The following PLA2G4D variants were observed in gnomAD, a reference collection of about 807,000 sequenced individuals.
The protein encoded by PLA2G4D is cytosolic phospholipase A2 delta.
In PLA2G4D, 80 loss-of-function variants were observed where a neutral mutation model predicts 94.4. The ratio of observed to expected loss-of-function variants is 0.85; its 90% CI spans 0.71 to 1.02. The LOEUF is 1.02. Among genes scored for constraint, PLA2G4D ranks in the 50% least tolerant of loss-of-function variants. The pLI is 0.00. For missense variants in PLA2G4D, 1,050 were observed against 1,034.7 expected (o/e 1.01, Z -0.20); for synonymous variants, 438 against 440.9 (o/e 0.99, Z 0.08).
chr15:42,079,496 G>A, intron 13 of PLA2G4D, 41 bp downstream of exon 13: 4 of 1,542,086 alleles, frequency 2.6e-6, no homozygotes, highest in Admixed American at 2.0e-5. Context: ...TCGCCCCCGC[G>A]GTGCACACAC....
In PLA2G4D at chr15:42,082,394, A is replaced by G; in HGVS notation, c.673-5T>C. 1.2e-6 allele frequency: 2 copies of G among 1,610,414 alleles called. No individual in the cohort carries two copies. Among genetic ancestry groups the G allele is most frequent in the African/African-American group, 1.3e-5 (1 of 74,872 alleles). On this transcript the variant is annotated splice_region_variant and splice_polypyrimidine_tract_variant and intron_variant, in intron 8 of 19. Coordinates refer to ENST00000290472, the MANE Select transcript of PLA2G4D (RefSeq NM_178034.4). ...CCAGCCATTGCTTCTGGAGCTCTGA[A>G]GGGAAAGCATCATTCATTCATTCAT...
chr15:42,070,588 T>G, intron 18 of PLA2G4D, 129 bp downstream of exon 18: 1 of 1,190,952 alleles, frequency 8.4e-7, no homozygotes, highest in Non-Finnish European at 1.2e-6. Flanking sequence ...AGCCAGCAGA[T>G]CAAGGCCTGA....
intron 14 of PLA2G4D, 50 bp downstream of exon 14, chr15:42,072,225 A>G: frequency 6.7e-7 from 1 of 1,485,016 alleles, no homozygotes; most frequent in South Asian, 1.2e-5. Context: ...GTCGGGGTGC[A>G]GAGGGTTTGG....
In PLA2G4D at chr15:42,081,422, T is replaced by C. The variant is rs532500593; in HGVS notation, c.957+57A>G. 2.5e-6 allele frequency: 4 copies of C among 1,576,898 alleles called. No homozygotes were observed. The South Asian group carries it at 4.8e-5, about 19-fold the overall frequency. ...TTTCTGGAGAGGCATAGGAATCAGG[T>C]ACTCCCTTATGGCCCGTCCAGGATA... is the stretch of plus-strand genomic sequence containing the variant. On this transcript the variant is annotated intron_variant, in intron 11 of 19. Transcript: ENST00000290472.
At position 42,071,921 on chromosome 15, in the gene PLA2G4D, TGGGAA is replaced by T; in HGVS notation, c.1436-15_1436-11del. 1 of 1,613,160 alleles carries T rather than the reference TGGGAA, an allele frequency of 6.2e-7. No individual in the cohort carries two copies. The highest frequency in any genetic ancestry group is 8.5e-7 in the Non-Finnish European group (1 of 1,179,468). ...GAGAACTCAACCCACTCTAATGGGG[TGGGAA>T]GGAGAGGCAGGAGTGTGAGGGGAGT... On this transcript the variant is annotated splice_polypyrimidine_tract_variant and intron_variant, in intron 14 of 19. Coordinates refer to ENST00000290472, the MANE Select transcript of PLA2G4D (RefSeq NM_178034.4).
In PLA2G4D at chr15:42,081,853, A is replaced by C; in HGVS notation, c.784-19T>G. Reference sequence around the variant, plus strand: ...CTGGGGCCTGAAATCAAAGCCAGAGACTCTGCTCAGACCCTCCTAGACCCT... The same window carrying C: ...CTGGGGCCTGAAATCAAAGCCAGAGCCTCTGCTCAGACCCTCCTAGACCCT... On this transcript the variant is annotated intron_variant, in intron 9 of 19. Transcript: ENST00000290472. 1 of 1,611,650 alleles carries C rather than the reference A, an allele frequency of 6.2e-7. No individual in the cohort carries two copies. Among genetic ancestry groups the C allele is most frequent in the Non-Finnish European group, 8.5e-7 (1 of 1,179,672 alleles).
chr15:42,088,816 G>A (rs959149435), intron 1 of PLA2G4D, among the ~76,000 whole-genome samples: 2 of 152,116 alleles, frequency 1.3e-5, no homozygotes, highest in African/African-American at 4.8e-5. Flanking sequence ...TGCCTGTGCC[G>A]GGGAGTGGGG....
At chr15:42,087,180 G>T in intron 3 of PLA2G4D, 120 bp downstream of exon 3, 1 of 1,315,188 alleles carries the variant, frequency 7.6e-7, no homozygotes, top group Non-Finnish European at 1.1e-6. Flanking sequence ...AGGGCACAGA[G>T]ACCCCCTACT....
intron 12 of PLA2G4D, among the ~76,000 whole-genome samples, 174 bp downstream of exon 12, chr15:42,080,823 G>T (rs539808122): frequency 6.6e-6 from 1 of 152,176 alleles, no homozygotes; most frequent in African/African-American, 2.4e-5. Flanking sequence ...CCTCGCTCAC[G>T]GCAGGGCTTC....
chr15:42,067,730 A>G lies in PLA2G4D; in HGVS notation c.*985T>C, dbSNP rs745871664. On this transcript the variant is annotated 3_prime_UTR_variant, in exon 20 of 20. Transcript: ENST00000290472. ...AAACCACATGATCATGCCCATAGACACAGAAAAATCACTTGACAAAACCTA... is the reference window on the plus strand; with the variant it reads ...AAACCACATGATCATGCCCATAGACGCAGAAAAATCACTTGACAAAACCTA... 6.6e-6 allele frequency: 1 copy of G among 152,178 alleles called. No individual in the cohort carries two copies. The highest frequency in any genetic ancestry group is 1.5e-5 in the Non-Finnish European group (1 of 68,034). The allele number at this position is 152,178 out of a possible 1,614,324, so 9.4% of individuals were successfully genotyped here.
intron 18 of PLA2G4D, 70 bp downstream of exon 18, chr15:42,070,647 T>C: frequency 6.8e-7 from 1 of 1,478,844 alleles, no homozygotes; most frequent in South Asian, 1.3e-5. Context: ...AGGGGCTCAG[T>C]GGCCCTGCTG....
At chr15:42,069,763 C>T in intron 19 of PLA2G4D, 146 bp downstream of exon 19, 2 of 706,768 alleles carry the variant, frequency 2.8e-6, no homozygotes, top group Non-Finnish European at 4.2e-6. Flanking sequence ...AGGGTGGGCT[C>T]CAAGGCCTGA....
intron 15 of PLA2G4D, 97 bp downstream of exon 15, chr15:42,071,677 T>G: frequency 1.7e-4 from 111 of 665,030 alleles, no homozygotes; most frequent in Middle Eastern, 3.6e-4. Context: ...CCCCTCCCCC[T>G]TGTCCTGAGG....
At chr15:42,082,184 G>C (rs1253088853) in intron 9 of PLA2G4D, 95 bp downstream of exon 9, 1 of 1,055,362 alleles carries the variant, frequency 9.5e-7, no homozygotes, top group Non-Finnish European at 1.4e-6. Context: ...CGCCTGCCTT[G>C]GCCTCCCAAA....
chr15:42,086,194 T>TGGGGGGGGGGGGCGGC lies in PLA2G4D; in HGVS notation c.387+18_387+19insGCCGCCCCCCCCCCCC. 1 of 1,370,444 alleles carries TGGGGGGGGGGGGCGGC rather than the reference T, an allele frequency of 7.3e-7. No individual in the cohort carries two copies. Among genetic ancestry groups the TGGGGGGGGGGGGCGGC allele is most frequent in the Non-Finnish European group, 9.6e-7 (1 of 1,043,084 alleles). 84.9% of individuals were successfully genotyped at this position (1,370,444 alleles called of 1,614,324 possible). A position where few individuals can be genotyped will look rare whatever the true frequency, so the allele number is the denominator to read the frequency against. On this transcript the variant is annotated intron_variant, in intron 4 of 19. Coordinates refer to ENST00000290472, the MANE Select transcript of PLA2G4D (RefSeq NM_178034.4). ...GGAAGAAGTGGGGCCCACGGGGACTTCCCCACCCACCCACCCACCTGGGGA... is the reference window on the plus strand; with the variant it reads ...GGAAGAAGTGGGGCCCACGGGGACTTGGGGGGGGGGGGCGGCCCCCACCCACCCACCCACCTGGGGA...
intron 1 of PLA2G4D, among the ~76,000 whole-genome samples, chr15:42,091,360 C>G (rs897316704): frequency 6.6e-6 from 1 of 152,146 alleles, no homozygotes; most frequent in Non-Finnish European, 1.5e-5. Flanking sequence ...TAGGAAAAAC[C>G]AGGCCATACA....
rs767863748 is a variant in PLA2G4D, at chr15:42,068,678, C to T, written c.*37G>A. 1.4e-5 allele frequency: 21 copies of T among 1,550,770 alleles called. No individual in the cohort carries two copies. Among genetic ancestry groups the T allele is most frequent in the African/African-American group, 8.2e-5 (6 of 73,360 alleles). Reference sequence around the variant, plus strand: ...GCCCAGCTACAGATCAGGTTATGCCCGCAGGCCCTGGAGGGTCCTGCAGCC... The same window carrying T: ...GCCCAGCTACAGATCAGGTTATGCCTGCAGGCCCTGGAGGGTCCTGCAGCC... On this transcript the variant is annotated 3_prime_UTR_variant, in exon 20 of 20. Coordinates refer to ENST00000290472, the MANE Select transcript of PLA2G4D (RefSeq NM_178034.4).
chr15:42,086,332 G>A lies in PLA2G4D; in HGVS notation c.268C>T (p.Leu90Phe), dbSNP rs766613377. ...ACTGAGTCCTCATCATAGATGCTAA[G>A]CTCCAGAACATTCTAGGAACCAGGA... ...IQSQVKNVLELSIYDEDSVTE... is the reference protein window; with the variant it reads ...IQSQVKNVLEFSIYDEDSVTE... The change falls in exon 4 of 20, where the codon CTT becomes TTT. Residue 90 changes from leucine to phenylalanine, a missense_variant. Physicochemically the swap from Leu to Phe is conservative, Grantham distance 22. Coordinates refer to ENST00000290472, the MANE Select transcript of PLA2G4D (RefSeq NM_178034.4). 3 of 1,613,772 alleles carry A rather than the reference G, an allele frequency of 1.9e-6. No individual in the cohort carries two copies. Among genetic ancestry groups the A allele is most frequent in the African/African-American group, 1.3e-5 (1 of 75,020 alleles).
chr15:42,087,738 T>G lies in PLA2G4D; in HGVS notation c.46-38A>C, dbSNP rs759216358. ...TCAAACTCCAGAGTCCTTCCTGCAT[T>G]CCCTCCCTTATGCCTGGAGCTGCAG... is the stretch of plus-strand genomic sequence containing the variant. On this transcript the variant is annotated intron_variant, in intron 1 of 19. Transcript: ENST00000290472. 11 of 1,601,076 alleles carry G rather than the reference T, an allele frequency of 6.9e-6. No homozygotes were observed. The South Asian group carries it at 1.2e-4, about 18-fold the overall frequency.
Sources: gnomAD v4.1 joint callset for allele counts (sites outside exome capture counted in the v4.1 genomes callset) on GRCh38, gnomAD v4.1.1 for gene constraint, MANE v1.5 for transcripts, NCBI Gene and HGNC (gene_info 2026-07-23, HGNC 2026-07-21) for gene names.